The following OFD1 variants were observed in gnomAD, a reference collection of about 807,000 sequenced individuals.
OFD1 encodes OFD1 centriole and centriolar satellite protein.
OFD1 carries 12 observed loss-of-function variants against 81.4 expected under a neutral mutation model. The ratio of observed to expected loss-of-function variants is 0.15; its 90% CI spans 0.09 to 0.24. OFD1 has a LOEUF of 0.24. OFD1 is among the 10% of genes least tolerant of loss of function. OFD1 has a pLI of 1.00. For synonymous variants in OFD1, 256 were observed against 263.7 expected (o/e 0.97, Z 0.28); for missense variants, 685 against 733.9 (o/e 0.93, Z 0.77).
At chrX:13,737,823 TTTTA>T (rs756968130) in intron 3 of OFD1, among the ~76,000 whole-genome samples, 165 of 111,924 alleles carry the variant, frequency 1.5e-3, no homozygotes, top group African/African-American at 5.2e-3. Context: ...AGCAACCAAA[TTTTA>T]TTTGTCAGCA....
Position 13,768,810 on chromosome X carries a change from C to G in OFD1, c.2996+25C>G, listed in dbSNP as rs369183561. 103 of 1,124,935 alleles carry G rather than the reference C, an allele frequency of 9.2e-5. No homozygotes were observed. Among genetic ancestry groups the G allele is most frequent in the Non-Finnish European group, 1.1e-4 (86 of 817,560 alleles). The allele number at this position is 1,124,935 out of a possible 1,213,427, so 92.7% of individuals were successfully genotyped here. A position where few individuals can be genotyped will look rare whatever the true frequency, so the allele number is the denominator to read the frequency against. On this transcript the variant is annotated intron_variant, in intron 22 of 22. Transcript: ENST00000340096. ...GGTACCTGTTTTCCCTACACACTTT[C>G]ATACACAAACTGTTAATTGCTTATT... is the stretch of plus-strand genomic sequence containing the variant.
rs2047768774 is a variant in OFD1, at chrX:13,757,800, G to A, written c.1542+10G>A. ...ACAACTGCAAGACGAAGTGAGTATT[G>A]CTCTTCTTCAGTTCTAGTGTGATAC... On this transcript the variant is annotated intron_variant, in intron 14 of 22. Transcript: ENST00000340096. The A allele has an allele frequency of 1.7e-6, 2 of 1,210,029 alleles. No individual in the cohort carries two copies. The highest frequency in any genetic ancestry group is 2.2e-6 in the Non-Finnish European group (2 of 894,293).
the OFD1 span, chrX:13,716,669 G>A: frequency 8.3e-7 from 1 of 1,211,405 alleles, no homozygotes; most frequent in Non-Finnish European, 1.1e-6. Context: ...TTCAGATGAC[G>A]ATGGTCGTCC....
At chrX:13,738,042 G>C (rs970634860) in intron 3 of OFD1, among the ~76,000 whole-genome samples, 19 of 110,971 alleles carry the variant, frequency 1.7e-4, no homozygotes, top group African/African-American at 6.2e-4. Context: ...TAGAGAGGAG[G>C]TTTCACCATG....
chrX:13,737,089 TC>T (rs1389339320), intron 3 of OFD1, among the ~76,000 whole-genome samples: 1 of 111,889 alleles, frequency 8.9e-6, no homozygotes. Flanking sequence ...TTGCCCAACA[TC>T]AAGTAACTTT....
Position 13,760,191 on chromosome X carries a change from T to C in OFD1, c.1731T>C (p.Asn577=), listed in dbSNP as rs1288135043. Residue 577 remains asparagine (N), a synonymous_variant, in exon 16 of 23, where the codon AAT becomes AAC. Coordinates refer to ENST00000340096, the MANE Select transcript of OFD1 (RefSeq NM_003611.3). ...DRSVNGLING[N]VVPCNGEISG... Reference sequence around the variant, plus strand: ...CTGTCAATGGATTAATAAATGGCAATGTGGTGCCTTGCAATGGTGAGATAA... The same window carrying C: ...CTGTCAATGGATTAATAAATGGCAACGTGGTGCCTTGCAATGGTGAGATAA... 2 of 1,209,787 alleles carry C rather than the reference T, an allele frequency of 1.7e-6. No individual in the cohort carries two copies. The highest frequency in any genetic ancestry group is 3.5e-5 in the African/African-American group (2 of 57,178).
the OFD1 span, chrX:13,714,607 C>A: frequency 2.1e-6 from 1 of 466,657 alleles, no homozygotes; most frequent in Non-Finnish European, 3.5e-6. Flanking sequence ...AAAGACATTC[C>A]AAAGTCTAAA....
intron 3 of OFD1, among the ~76,000 whole-genome samples, chrX:13,738,094 C>T (rs2046943238): frequency 8.9e-6 from 1 of 111,907 alleles, no homozygotes; most frequent in South Asian, 3.7e-4. Context: ...GGTGATCTGC[C>T]CACCTCAATC....
chrX:13,751,280 A>G lies in OFD1; in HGVS notation c.967A>G (p.Ser323Gly), dbSNP rs764424025. The part of the protein sequence containing the change: ...NQKLQEEKHK[S>G]ITEALRRQEQ... ...GAAGCTCCAGGAAGAAAAACATAAA[A>G]GCATAACTGAGGCACTTAGGAGACA... is the stretch of plus-strand genomic sequence containing the variant. The change falls in exon 10 of 23, where the codon AGC (serine) becomes GGC (glycine). Residue 323 changes from serine to glycine, a missense_variant. Around this residue, in one of 3 missense-constraint regions of OFD1, gnomAD observed 414 missense variants for 447.2 expected, o/e 0.93. Coordinates refer to ENST00000340096, the MANE Select transcript of OFD1 (RefSeq NM_003611.3). The G allele has an allele frequency of 1.7e-6, 2 of 1,206,452 alleles. No homozygotes were observed. The highest frequency in any genetic ancestry group is 2.2e-5 in the Admixed American group (1 of 46,013).
intron 14 of OFD1, 133 bp from the exon 15 acceptor site, chrX:13,758,201 CTGT>C (rs1449753042): frequency 6.5e-6 from 3 of 462,761 alleles, no homozygotes; most frequent in Non-Finnish European, 7.5e-6. Context: ...AATAGGGACC[CTGT>C]TGTTTACTGT....
chrX:13,756,843 G>A (rs773735513), intron 13 of OFD1, 76 bp downstream of exon 13: 91 of 798,701 alleles, frequency 1.1e-4, no homozygotes, highest in Non-Finnish European at 1.7e-4. Flanking sequence ...ACTATGCTTT[G>A]TACTTGTATA....
intron 2 of OFD1, chrX:13,736,063 T>C (rs1430028489): frequency 3.1e-6 from 2 of 643,940 alleles, no homozygotes; most frequent in African/African-American, 4.9e-5. Flanking sequence ...GTAATGTATA[T>C]AGCAGTCCCC....
chrX:13,752,055 CAATA>C (rs2146997296), intron 10 of OFD1, among the ~76,000 whole-genome samples: 1 of 111,840 alleles, frequency 8.9e-6, no homozygotes. Context: ...GGTTATCTGA[CAATA>C]TATAAATTAT....
chrX:13,719,793 A>C, the OFD1 span: 2 of 751,682 alleles, frequency 2.7e-6, no homozygotes, highest in Non-Finnish European at 3.7e-6. Flanking sequence ...GATTTCAGTT[A>C]CCTTATCTGT....
intron 11 of OFD1, 146 bp from the exon 12 acceptor site, chrX:13,755,005 G>T: frequency 2.0e-6 from 1 of 498,693 alleles, no homozygotes; most frequent in Middle Eastern, 3.7e-4. Context: ...GGGTAACAGG[G>T]TTTATTTCTT....
chrX:13,721,746 G>A, the OFD1 span: 1 of 102,272 alleles, frequency 9.8e-6, no homozygotes, highest in African/African-American at 3.6e-5. Flanking sequence ...CTCCTGGCAT[G>A]ATGACGTAAG....
At chrX:13,765,017 C>G (rs2048074406) in intron 19 of OFD1, among the ~76,000 whole-genome samples, 1 of 111,788 alleles carries the variant, frequency 8.9e-6, no homozygotes, top group Non-Finnish European at 1.9e-5. Context: ...CGAGGGAATA[C>G]AAATAATGTG....
intron 20 of OFD1, 146 bp downstream of exon 20, chrX:13,767,430 C>A (rs914224030): frequency 1.7e-5 from 10 of 571,987 alleles, no homozygotes; most frequent in Admixed American, 1.1e-4. Flanking sequence ...CTCTCCTTGT[C>A]TTAAAAGCAG....
Position 13,761,196 on chromosome X carries a change from C to A in OFD1, c.2372C>A (p.Pro791Gln). Residue 791 changes from proline to glutamine, a missense_variant, in exon 17 of 23, where the codon CCG becomes CAG. By Grantham distance (76) the Pro-to-Gln change is moderately conservative. Around this residue, in one of 3 missense-constraint regions of OFD1, gnomAD observed 259 missense variants for 254.4 expected, o/e 1.02. Transcript: ENST00000340096. ...SLSIPPVSSP[P>Q]EQKVGLYRRQ... ...TCCATCCCTCCTGTCTCCAGCCCTC[C>A]GGAGCAGAAAGTGGGGTAAGTATAA... 1 of 1,210,650 alleles carries A rather than the reference C, an allele frequency of 8.3e-7. No homozygotes were observed. Among genetic ancestry groups the A allele is most frequent in the Non-Finnish European group, 1.1e-6 (1 of 894,881 alleles).
Sources: gnomAD v4.1 joint callset for allele counts (sites outside exome capture counted in the v4.1 genomes callset) on GRCh38, gnomAD v4.1.1 for gene constraint, gnomAD v4.1.1 regional missense constraint, MANE v1.5 for transcripts, NCBI Gene and HGNC (gene_info 2026-07-23, HGNC 2026-07-21) for gene names.